Variants in CDYL observed in about 807,000 individuals in gnomAD.
The protein encoded by CDYL is chromodomain Y like, also known as chromodomain Y-like protein.
CDYL carries 8 observed loss-of-function variants against 47.3 expected under a neutral mutation model. The observed-to-expected ratio is 0.17, with a 90% CI of 0.10 to 0.31. CDYL has a LOEUF of 0.31. Ranked by LOEUF, CDYL falls within the 10% of genes least tolerant of loss-of-function variation. The pLI, the probability that CDYL is intolerant of heterozygous loss-of-function variation, is 1.00. For missense variants in CDYL, 471 were observed against 701.4 expected (o/e 0.67, Z 3.71); for synonymous variants, 266 against 265.0 (o/e 1.00, Z -0.04).
chr6:4,779,478 G>A (rs1404860807), intron 1 of CDYL, among the ~76,000 whole-genome samples: 1 of 152,154 alleles, frequency 6.6e-6, no homozygotes, highest in African/African-American at 2.4e-5. Flanking sequence ...TACTTAGCAT[G>A]GAACCTGGTA....
chr6:4,884,119 A>G (rs2127479692), intron 1 of CDYL, among the ~76,000 whole-genome samples: 1 of 152,302 alleles, frequency 6.6e-6, no homozygotes, highest in South Asian at 2.1e-4. Context: ...TTAATGGATG[A>G]TAGGATTGCT....
intron 1 of CDYL, among the ~76,000 whole-genome samples, chr6:4,842,399 A>ATCTCATT (rs1248977618): frequency 2.0e-5 from 3 of 151,486 alleles, no homozygotes; most frequent in African/African-American, 7.3e-5. Flanking sequence ...TTGTGTTGCT[A>ATCTCATT]TCTCATTTCT....
intron 1 of CDYL, among the ~76,000 whole-genome samples, chr6:4,838,342 T>C (rs1266372981): frequency 2.6e-5 from 4 of 151,148 alleles, no homozygotes; most frequent in African/African-American, 9.7e-5. Flanking sequence ...AAGTCCATTG[T>C]ATCATTATGC....
intron 1 of CDYL, among the ~76,000 whole-genome samples, chr6:4,864,611 A>G (rs1467742254): frequency 6.6e-6 from 1 of 152,078 alleles, no homozygotes; most frequent in African/African-American, 2.4e-5. Context: ...TAATTGAATC[A>G]TGGGGCCGGT....
At chr6:4,765,335 A>G (rs1186578410) in intron 3 of CDYL, among the ~76,000 whole-genome samples, 1 of 151,958 alleles carries the variant, frequency 6.6e-6, no homozygotes, top group South Asian at 2.1e-4. Flanking sequence ...AAAAAAAAAG[A>G]CAAATAAAAA....
At chr6:4,949,051 G>C (rs1026812516) in intron 5 of CDYL, among the ~76,000 whole-genome samples, 1 of 152,240 alleles carries the variant, frequency 6.6e-6, no homozygotes, top group South Asian at 2.1e-4. Context: ...AAGATAAAAA[G>C]AATATGCAAA....
intron 2 of CDYL, among the ~76,000 whole-genome samples, chr6:4,717,141 T>C (rs1390023751): frequency 6.6e-6 from 1 of 152,046 alleles, no homozygotes; most frequent in Non-Finnish European, 1.5e-5. Context: ...TGGAAGAGGT[T>C]GTCGTGGCTG....
At chr6:4,830,751 C>G (rs905915279) in intron 1 of CDYL, among the ~76,000 whole-genome samples, 1 of 108,900 alleles carries the variant, frequency 9.2e-6, no homozygotes, top group African/African-American at 3.5e-5. Flanking sequence ...TATCCCTCCC[C>G]CCTCCCCCCA....
Position 4,776,770 on chromosome 6 carries a change from C to T in CDYL, c.-14C>T. ...CCGACCCTGCCCCTCCCGCCCGCAA[C>T]TCCGCCGCCCACCATGGCTTCCGAG... On this transcript the variant is annotated 5_prime_UTR_variant, in exon 1 of 7. Transcript: ENST00000397588. 2.7e-6 allele frequency: 3 copies of T among 1,125,406 alleles called. No homozygotes were observed. The highest frequency in any genetic ancestry group is 3.4e-6 in the Non-Finnish European group (3 of 882,344). The allele number at this position is 1,125,406 out of a possible 1,614,324, so 69.7% of individuals were successfully genotyped here.
intron 5 of CDYL, among the ~76,000 whole-genome samples, chr6:4,946,995 C>G (rs1420331521): frequency 6.6e-6 from 1 of 152,166 alleles, no homozygotes; most frequent in African/African-American, 2.4e-5. Context: ...AGGGCCAAAT[C>G]AGTATCGCAG....
At chr6:4,913,584 A>T (rs1039521874) in intron 2 of CDYL, among the ~76,000 whole-genome samples, 10 of 152,258 alleles carry the variant, frequency 6.6e-5, no homozygotes, top group Non-Finnish European at 1.3e-4. Flanking sequence ...TAAAAACAAC[A>T]GCCCTTGGCT....
intron 1 of CDYL, among the ~76,000 whole-genome samples, chr6:4,846,910 G>T (rs1262883926): frequency 6.6e-6 from 1 of 152,210 alleles, no homozygotes; most frequent in Admixed American, 6.5e-5. Flanking sequence ...AATTTGGATA[G>T]TTCTACTCTT....
chr6:4,894,927 G>GTATGTGTA (rs144406964), intron 2 of CDYL, among the ~76,000 whole-genome samples: 36 of 146,540 alleles, frequency 2.5e-4, no homozygotes, highest in South Asian at 4.2e-4. Flanking sequence ...ATACACATAT[G>GTATGTGTA]TATGTGTGTA....
chr6:4,895,766 A>G (rs1192613548), intron 2 of CDYL, among the ~76,000 whole-genome samples: 1 of 152,164 alleles, frequency 6.6e-6, no homozygotes, highest in African/African-American at 2.4e-5. Flanking sequence ...ACCACATGTG[A>G]AACAATTCGC....
In CDYL at chr6:4,777,735, A is replaced by T. The variant is rs556729005; in HGVS notation, c.24+928A>T. On this transcript the variant is annotated intron_variant, in intron 1 of 6. Coordinates refer to ENST00000397588, the MANE Select transcript of CDYL (RefSeq NM_004824.4). ...AGGGACTTAAGGAAGCATCTGTAAC[A>T]AGTAGAGCCCTGTGGCCCCAGGGAT... Among the ~76,000 whole-genome samples, 8 of 152,288 alleles carry T rather than the reference A, an allele frequency of 5.3e-5. No homozygotes were observed. The South Asian group carries it at 1.7e-3, about 32-fold the overall frequency.
chr6:4,860,434 C>T (rs1167641882), intron 1 of CDYL, among the ~76,000 whole-genome samples: 1 of 150,836 alleles, frequency 6.6e-6, no homozygotes, highest in African/African-American at 2.4e-5. Flanking sequence ...AAGTGAGTCT[C>T]CAGTTGGGGA....
At chr6:4,792,184 A>C (rs1758943851) in intron 1 of CDYL, among the ~76,000 whole-genome samples, 1 of 151,028 alleles carries the variant, frequency 6.6e-6, no homozygotes, top group African/African-American at 2.4e-5. Flanking sequence ...GAGCCACTGC[A>C]TCTGGCCAGG....
chr6:4,832,386 T>C (rs1269025817), intron 1 of CDYL, among the ~76,000 whole-genome samples: 1 of 151,308 alleles, frequency 6.6e-6, no homozygotes, highest in African/African-American at 2.5e-5. Flanking sequence ...ATTTATTGAT[T>C]TGCGTATATT....
At chr6:4,788,454 G>C (rs1290519620) in intron 1 of CDYL, among the ~76,000 whole-genome samples, 1 of 125,714 alleles carries the variant, frequency 8.0e-6, no homozygotes, top group Non-Finnish European at 1.6e-5. Context: ...CTGCACTCCA[G>C]CCTGGGTGAC....
Sources: gnomAD v4.1 joint callset for allele counts (sites outside exome capture counted in the v4.1 genomes callset) on GRCh38, gnomAD v4.1.1 for gene constraint, MANE v1.5 for transcripts, NCBI Gene and HGNC (gene_info 2026-07-23, HGNC 2026-07-21) for gene names.